Variants in ST6GALNAC3 observed in about 807,000 individuals in gnomAD.
The protein encoded by ST6GALNAC3 is alpha-N-acetylgalactosaminide alpha-2,6-sialyltransferase 3.
In ST6GALNAC3, 25 loss-of-function variants were observed where a neutral mutation model predicts 32.7. The observed-to-expected ratio is 0.76, with a 90% confidence interval of 0.56 to 1.07. ST6GALNAC3 has a LOEUF of 1.07. Among genes scored for constraint, ST6GALNAC3 ranks in the 50% least tolerant of loss-of-function variants. ST6GALNAC3 has a pLI of 0.00. For missense variants in ST6GALNAC3, 355 were observed against 382.4 expected, an observed-to-expected ratio of 0.93 and a Z score of 0.60; for synonymous variants, 129 against 133.1, an observed-to-expected ratio of 0.97 and a Z score of 0.21.
chr1:76,498,256 A>G (rs564656090), intron 3 of ST6GALNAC3, among the ~76,000 whole-genome samples: 2 of 152,230 alleles, frequency 1.3e-5, no homozygotes, highest in South Asian at 2.1e-4. Context: ...ATATTCCCCA[A>G]TTCCTTTTAT....
intron 1 of ST6GALNAC3, among the ~76,000 whole-genome samples, chr1:76,197,330 A>T (rs977918877): frequency 6.6e-6 from 1 of 152,236 alleles, no homozygotes; most frequent in Admixed American, 6.5e-5. Context: ...TTTGTGCTGA[A>T]TGCTGGGAAC....
chr1:76,550,521 A>T (rs1411450097), intron 3 of ST6GALNAC3, among the ~76,000 whole-genome samples: 1 of 152,104 alleles, frequency 6.6e-6, no homozygotes, highest in Admixed American at 6.6e-5. Context: ...CCATGACAGT[A>T]CTACTCCTTG....
intron 1 of ST6GALNAC3, among the ~76,000 whole-genome samples, chr1:76,089,574 A>G (rs1445426437): frequency 6.6e-6 from 1 of 152,254 alleles, no homozygotes; most frequent in Non-Finnish European, 1.5e-5. Context: ...CAACATAACT[A>G]AACATTTTAT....
Position 76,633,287 on chromosome 1 carries a change from G to A in ST6GALNAC3, c.*4481G>A, listed in dbSNP as rs1238761277. 3 of 152,276 alleles carry A rather than the reference G, an allele frequency of 2.0e-5. No individual in the cohort carries two copies. The highest frequency in any genetic ancestry group is 3.9e-4 in the East Asian group (2 of 5,184). The allele number at this position is 152,276 out of a possible 1,614,324, so 9.4% of individuals were successfully genotyped here. ...CTGATTTACTAAAGAGTCTATTCAT[G>A]GAATCCAAGGGCTCCAAATTGTGCT... On this transcript the variant is annotated 3_prime_UTR_variant, in exon 5 of 5. Coordinates refer to ENST00000328299, the MANE Select transcript of ST6GALNAC3 (RefSeq NM_152996.4).
chr1:76,433,425 T>G (rs1352686450), intron 3 of ST6GALNAC3, among the ~76,000 whole-genome samples: 8 of 152,206 alleles, frequency 5.3e-5, no homozygotes, highest in African/African-American at 1.7e-4. Flanking sequence ...GGTGGGGCTA[T>G]GCATAATTTC....
chr1:76,089,073 G>A (rs1647004180), intron 1 of ST6GALNAC3, among the ~76,000 whole-genome samples: 2 of 152,110 alleles, frequency 1.3e-5, no homozygotes, highest in Non-Finnish European at 2.9e-5. Context: ...CTGTCACCCA[G>A]GCTGGAGTGC....
chr1:76,524,773 A>G (rs1362985026), intron 3 of ST6GALNAC3, among the ~76,000 whole-genome samples: 1 of 151,630 alleles, frequency 6.6e-6, no homozygotes, highest in African/African-American at 2.4e-5. Context: ...AACTCAAGCA[A>G]TATTAAAAAC....
intron 3 of ST6GALNAC3, among the ~76,000 whole-genome samples, chr1:76,503,269 T>C (rs1202393379): frequency 6.6e-6 from 1 of 152,232 alleles, no homozygotes; most frequent in Non-Finnish European, 1.5e-5. Flanking sequence ...TGTGTCCCAC[T>C]GATTCTCGCA....
intron 3 of ST6GALNAC3, among the ~76,000 whole-genome samples, chr1:76,537,110 CA>C (rs1397141505): frequency 6.6e-6 from 1 of 152,006 alleles, no homozygotes; most frequent in Non-Finnish European, 1.5e-5. Flanking sequence ...GCAACAAATG[CA>C]AAAAAACTGA....
chr1:76,372,237 A>C (rs955959056), intron 2 of ST6GALNAC3, among the ~76,000 whole-genome samples: 1 of 152,158 alleles, frequency 6.6e-6, no homozygotes, highest in Non-Finnish European at 1.5e-5. Flanking sequence ...GACGGTACTG[A>C]AACTGGGTGT....
At chr1:76,201,146 T>G (rs1361508836) in intron 1 of ST6GALNAC3, among the ~76,000 whole-genome samples, 1 of 152,146 alleles carries the variant, frequency 6.6e-6, no homozygotes, top group Non-Finnish European at 1.5e-5. Flanking sequence ...CATTGAGTTG[T>G]GTATTAGTCT....
intron 3 of ST6GALNAC3, among the ~76,000 whole-genome samples, chr1:76,422,189 A>G (rs532961660): frequency 9.2e-4 from 140 of 152,134 alleles, no homozygotes; most frequent in South Asian, 3.5e-3. Context: ...TAGACACTCA[A>G]TATTTGCTAA....
chr1:76,453,503 T>TGAAGCA, intron 3 of ST6GALNAC3, among the ~76,000 whole-genome samples: 1 of 152,270 alleles, frequency 6.6e-6, no homozygotes, highest in Admixed American at 6.5e-5. Flanking sequence ...TTCAATGAAT[T>TGAAGCA]TTTAAATTTC....
intron 2 of ST6GALNAC3, among the ~76,000 whole-genome samples, chr1:76,409,886 A>G (rs1159327474): frequency 6.6e-6 from 1 of 151,990 alleles, no homozygotes. Context: ...AATTAGGGGG[A>G]AAAAGTTTTT....
At chr1:76,376,263 A>G (rs1305904428) in intron 2 of ST6GALNAC3, among the ~76,000 whole-genome samples, 1 of 152,236 alleles carries the variant, frequency 6.6e-6, no homozygotes, top group South Asian at 2.1e-4. Context: ...TAGAAAGTTG[A>G]CATTAATATA....
chr1:76,416,905 C>A (rs1442890193), intron 3 of ST6GALNAC3, among the ~76,000 whole-genome samples: 1 of 151,984 alleles, frequency 6.6e-6, no homozygotes, highest in Non-Finnish European at 1.5e-5. Flanking sequence ...GGATTACAGG[C>A]GTGAGCCACC....
intron 1 of ST6GALNAC3, among the ~76,000 whole-genome samples, chr1:76,224,482 C>T (rs912533363): frequency 6.6e-6 from 1 of 152,160 alleles, no homozygotes; most frequent in Non-Finnish European, 1.5e-5. Context: ...ATCAACATTG[C>T]CTTCTTGCAG....
intron 2 of ST6GALNAC3, among the ~76,000 whole-genome samples, chr1:76,332,069 T>G (rs1255137726): frequency 6.6e-6 from 1 of 152,228 alleles, no homozygotes; most frequent in Non-Finnish European, 1.5e-5. Context: ...ACAATTCTCC[T>G]TACCCAGAGT....
At chr1:76,177,563 A>G (rs1287845421) in intron 1 of ST6GALNAC3, among the ~76,000 whole-genome samples, 2 of 152,178 alleles carry the variant, frequency 1.3e-5, no homozygotes, top group African/African-American at 4.8e-5. Context: ...AGAAGTGTTC[A>G]GGTGCAGCTT....
Sources: allele counts gnomAD v4.1 joint callset (sites outside exome capture counted in the v4.1 genomes callset), GRCh38; gene constraint gnomAD v4.1.1; transcripts MANE v1.5; gene names NCBI Gene and HGNC (gene_info 2026-07-23, HGNC 2026-07-21).